Variants in ZFHX4 observed in about 807,000 individuals in gnomAD.
The protein encoded by ZFHX4 is zinc finger homeobox 4.
Under a neutral mutation model 267.6 loss-of-function variants are expected in ZFHX4, and 56 were observed. The ratio of observed to expected loss-of-function variants is 0.21; its 90% confidence interval spans 0.17 to 0.26. ZFHX4 has a LOEUF of 0.26. Ranked by LOEUF, ZFHX4 falls within the 10% of genes least tolerant of loss-of-function variation. ZFHX4 has a pLI of 1.00. For missense variants in ZFHX4, 4,332 were observed against 4,420.0 expected (o/e 0.98, Z 0.56); for synonymous variants, 1,778 against 1,665.6 (o/e 1.07, Z -1.64).
chr8:76,722,541 A>G (rs555702055), intron 3 of ZFHX4, among the ~76,000 whole-genome samples: 1 of 152,132 alleles, frequency 6.6e-6, no homozygotes, highest in African/African-American at 2.4e-5. Flanking sequence ...AACTCAAGAA[A>G]AGTTTAAAAC....
chr8:76,733,860 T>G (rs947903054), intron 3 of ZFHX4, among the ~76,000 whole-genome samples: 1 of 152,168 alleles, frequency 6.6e-6, no homozygotes, highest in Non-Finnish European at 1.5e-5. Context: ...TGCCAGATGA[T>G]GTATCCAGCT....
intron 5 of ZFHX4, among the ~76,000 whole-genome samples, chr8:76,839,299 G>C (rs1655738700): frequency 6.6e-6 from 1 of 152,106 alleles, no homozygotes; most frequent in African/African-American, 2.4e-5. Flanking sequence ...TGTATATGTA[G>C]AGTAACTTAT....
At chr8:76,698,881 TCA>T (rs1488275988) in intron 1 of ZFHX4, among the ~76,000 whole-genome samples, 1 of 152,158 alleles carries the variant, frequency 6.6e-6, no homozygotes, top group Admixed American at 6.5e-5. Context: ...GGAGAGGTCG[TCA>T]CACATTCTTT....
At position 76,863,363 on chromosome 8, in the gene ZFHX4, A is replaced by C. The variant is rs756003064; in HGVS notation, c.9649A>C (p.Lys3217Gln). The change falls in exon 11 of 11, where the codon AAA becomes CAA. Residue 3217 changes from lysine to glutamine, a missense_variant. Lys to Gln is a moderately conservative substitution (Grantham distance 53, BLOSUM62 1). Transcript: ENST00000651372. ...GGCCACCAAACCCGAAAAACACCCC[A>C]AAAAAGAGGAAAAAATCTCATCTGC... ...LEATKPEKHP[K>Q]KEEKISSALS... 1.2e-5 allele frequency: 19 copies of C among 1,613,788 alleles called. No individual in the cohort carries two copies. The highest frequency in any genetic ancestry group is 8.0e-5 in the African/African-American group (6 of 74,910).
chr8:76,741,064 G>A (rs1809303083), intron 3 of ZFHX4, among the ~76,000 whole-genome samples: 2 of 152,088 alleles, frequency 1.3e-5, no homozygotes, highest in Admixed American at 1.3e-4. Flanking sequence ...AGAAGACAAT[G>A]AAGGAAATTG....
intron 5 of ZFHX4, among the ~76,000 whole-genome samples, chr8:76,841,526 T>C (rs906628821): frequency 2.6e-5 from 4 of 152,208 alleles, no homozygotes; most frequent in African/African-American, 9.6e-5. Flanking sequence ...GGGTTAATTG[T>C]ATCATGTTCT....
chr8:76,820,366 T>G (rs1811617064), intron 4 of ZFHX4, among the ~76,000 whole-genome samples: 1 of 152,218 alleles, frequency 6.6e-6, no homozygotes. Context: ...CCCCTACTAC[T>G]TGCTGTTATC....
chr8:76,844,471 G>T (rs1024567665), intron 6 of ZFHX4, among the ~76,000 whole-genome samples: 25 of 152,134 alleles, frequency 1.6e-4, no homozygotes, highest in Admixed American at 2.6e-4. Context: ...CTAGAAAAAT[G>T]GATCTAATTT....
At chr8:76,723,612 C>T (rs1303355786) in intron 3 of ZFHX4, among the ~76,000 whole-genome samples, 1 of 150,996 alleles carries the variant, frequency 6.6e-6, no homozygotes, top group African/African-American at 2.4e-5. Flanking sequence ...ATTGAGAGCC[C>T]ACTCTCCCAG....
At chr8:76,758,087 A>G (rs185094548) in intron 3 of ZFHX4, among the ~76,000 whole-genome samples, 7 of 152,294 alleles carry the variant, frequency 4.6e-5, no homozygotes, top group Admixed American at 4.6e-4. Flanking sequence ...TTAAGTCCTG[A>G]GGATACCAAG....
intron 4 of ZFHX4, among the ~76,000 whole-genome samples, chr8:76,781,465 A>G (rs1263847466): frequency 2.0e-5 from 3 of 152,124 alleles, no homozygotes; most frequent in Admixed American, 1.3e-4. Flanking sequence ...ACAACCAATC[A>G]TCAACTTGGT....
At chr8:76,786,191 A>G (rs1157384722) in intron 4 of ZFHX4, among the ~76,000 whole-genome samples, 1 of 152,078 alleles carries the variant, frequency 6.6e-6, no homozygotes. Context: ...TTAACACGCT[A>G]TAGAGAATGA....
At chr8:76,819,202 T>C (rs1449022235) in intron 4 of ZFHX4, among the ~76,000 whole-genome samples, 3 of 151,218 alleles carry the variant, frequency 2.0e-5, no homozygotes, top group Non-Finnish European at 4.4e-5. Context: ...ATGATTTTAA[T>C]GGGCTTTTGG....
intron 4 of ZFHX4, among the ~76,000 whole-genome samples, chr8:76,790,434 A>G (rs781304169): frequency 7.9e-5 from 12 of 152,120 alleles, no homozygotes; most frequent in Non-Finnish European, 1.6e-4. Flanking sequence ...CACAATAATG[A>G]ATTATTACTA....
At chr8:76,794,096 A>G (rs984078280) in intron 4 of ZFHX4, among the ~76,000 whole-genome samples, 2 of 152,152 alleles carry the variant, frequency 1.3e-5, no homozygotes, top group South Asian at 2.1e-4. Context: ...TGTTACTTCT[A>G]TTAAAAGCAG....
intron 3 of ZFHX4, among the ~76,000 whole-genome samples, chr8:76,746,105 G>C (rs967109166): frequency 5.9e-5 from 9 of 152,154 alleles, no homozygotes; most frequent in African/African-American, 2.2e-4. Context: ...TGTATAAATT[G>C]CTTTAAAAAG....
chr8:76,829,737 G>C (rs1159461781), intron 4 of ZFHX4, among the ~76,000 whole-genome samples: 1 of 152,026 alleles, frequency 6.6e-6, no homozygotes, highest in Non-Finnish European at 1.5e-5. Context: ...TCATGAACCG[G>C]GACCCAAGGA....
At chr8:76,689,720 C>T (rs1807778369) in intron 1 of ZFHX4, among the ~76,000 whole-genome samples, 1 of 152,068 alleles carries the variant, frequency 6.6e-6, no homozygotes, top group Non-Finnish European at 1.5e-5. Flanking sequence ...ACATACAATC[C>T]TCAGTCCAAG....
At chr8:76,776,014 T>C (rs1480170586) in intron 3 of ZFHX4, among the ~76,000 whole-genome samples, 1 of 152,048 alleles carries the variant, frequency 6.6e-6, no homozygotes, top group African/African-American at 2.4e-5. Flanking sequence ...AACGAGGTTC[T>C]GTTCTAGACA....
Sources: allele counts gnomAD v4.1 joint callset (sites outside exome capture counted in the v4.1 genomes callset), GRCh38; gene constraint gnomAD v4.1.1; transcripts MANE v1.5; gene names NCBI Gene and HGNC (gene_info 2026-07-23, HGNC 2026-07-21).